EML6: variants seen among roughly 807,000 people sequenced by gnomAD.
EML6 encodes EMAP like 6.
EML6 carries 154 observed loss-of-function variants against 240.1 expected under a neutral mutation model. The ratio of observed to expected loss-of-function variants is 0.64; its 90% CI spans 0.56 to 0.73. The LOEUF is 0.73. EML6 is among the 30% of genes least tolerant of loss of function. The pLI is 0.00. For missense variants in EML6, 2,964 were observed against 2,474.6 expected, an observed-to-expected ratio of 1.20 and a Z score of -4.20; for synonymous variants, 1,148 against 899.0, an observed-to-expected ratio of 1.28 and a Z score of -4.95.
At chr2:54,862,528 A>G (rs1442732552) in intron 12 of EML6, among the ~76,000 whole-genome samples, 1 of 151,908 alleles carries the variant, frequency 6.6e-6, no homozygotes, top group African/African-American at 2.4e-5. Context: ...TAGCTTAGAG[A>G]CTTAGGGTGG....
chr2:54,829,546 T>A, intron 7 of EML6, 69 bp downstream of exon 7: 1 of 1,314,284 alleles, frequency 7.6e-7, no homozygotes, highest in East Asian at 2.6e-5. Flanking sequence ...GTATTCATAT[T>A]TGTTTCTCTG....
intron 39 of EML6, among the ~76,000 whole-genome samples, 176 bp from the exon 40 acceptor site, chr2:54,967,952 C>T (rs1438548452): frequency 9.2e-5 from 14 of 152,230 alleles, no homozygotes; most frequent in Admixed American, 9.2e-4. Flanking sequence ...TGCTCACCTC[C>T]TGCCCTGCGG....
chr2:54,948,803 C>A, intron 28 of EML6, 79 bp from the exon 29 acceptor site: 2 of 1,132,212 alleles, frequency 1.8e-6, no homozygotes, highest in South Asian at 2.7e-5. Context: ...CCGGCACTGG[C>A]CTAGACAGGC....
In EML6 at chr2:54,943,433, C is replaced by A. The variant is rs1281711603; in HGVS notation, c.4005-5449C>A. Among the ~76,000 whole-genome samples, 6 of 147,188 alleles carry A rather than the reference C, an allele frequency of 4.1e-5. No homozygotes were observed. The East Asian group carries it at 7.7e-4, about 19-fold the overall frequency. ...CAGTTTCCCACCTCCACCCAGCTCTCCTCAGGAAAAAAAACAGGTCCTTTG... is the reference window on the plus strand; with the variant it reads ...CAGTTTCCCACCTCCACCCAGCTCTACTCAGGAAAAAAAACAGGTCCTTTG... On this transcript the variant is annotated intron_variant, in intron 28 of 41. Transcript: ENST00000356458.
chr2:54,744,077 G>C (rs1015820732), intron 2 of EML6, among the ~76,000 whole-genome samples: 13 of 151,100 alleles, frequency 8.6e-5, no homozygotes, highest in Middle Eastern at 3.4e-3. Flanking sequence ...CAATGCATTG[G>C]ACAATTCTGG....
intron 26 of EML6, among the ~76,000 whole-genome samples, chr2:54,924,403 C>G (rs1249379501): frequency 6.6e-6 from 1 of 151,970 alleles, no homozygotes; most frequent in Non-Finnish European, 1.5e-5. Context: ...CTGTACAAAT[C>G]TTCTGTCCAT....
intron 2 of EML6, among the ~76,000 whole-genome samples, chr2:54,802,120 A>G (rs1022234752): frequency 6.6e-6 from 1 of 152,276 alleles, no homozygotes; most frequent in East Asian, 1.9e-4. Context: ...GGGGTCATCA[A>G]TGGAAAAAAC....
intron 2 of EML6, among the ~76,000 whole-genome samples, chr2:54,788,174 C>T (rs1488256058): frequency 1.3e-5 from 2 of 152,250 alleles, no homozygotes; most frequent in East Asian, 3.8e-4. Flanking sequence ...GGTTCTCGCT[C>T]ACTCGCTCGC....
chr2:54,836,854 C>G (rs1188232144), intron 7 of EML6, among the ~76,000 whole-genome samples: 1 of 152,130 alleles, frequency 6.6e-6, no homozygotes, highest in Non-Finnish European at 1.5e-5. Context: ...AGATGCATGT[C>G]TTTCCTCCTT....
At chr2:54,964,838 C>G (rs573485402) in intron 38 of EML6, 105 bp downstream of exon 38, 1 of 1,059,116 alleles carries the variant, frequency 9.4e-7, no homozygotes, top group African/African-American at 1.6e-5. Context: ...AATGTGCTAA[C>G]TCACTCTTCA....
At position 54,903,036 on chromosome 2, in the gene EML6, T is replaced by G. The variant is rs1323025104; in HGVS notation, c.3125-8T>G. On this transcript the variant is annotated splice_region_variant and splice_polypyrimidine_tract_variant and intron_variant, in intron 22 of 41. Coordinates refer to ENST00000356458, the MANE Select transcript of EML6 (RefSeq NM_001039753.4). The stretch of plus-strand genomic sequence containing the variant: ...GATAATAAGTGTTTTTTGTGGATTC[T>G]TCTGTAGGTGGAAGATGCTGTGCCT... 6.5e-7 allele frequency: 1 copy of G among 1,548,616 alleles called. No homozygotes were observed. The highest frequency in any genetic ancestry group is 1.4e-5 in the African/African-American group (1 of 72,846).
At chr2:54,894,793 C>G (rs998230) in intron 19 of EML6, 122 bp from the exon 20 acceptor site, 255,514 of 614,564 alleles carry the variant, frequency 0.42, 54,518 homozygotes, top group East Asian at 0.62. Context: ...AGTTTTCCAT[C>G]TCATATATTT....
chr2:54,833,643 T>C (rs897274376), intron 7 of EML6, among the ~76,000 whole-genome samples: 2 of 152,252 alleles, frequency 1.3e-5, no homozygotes, highest in East Asian at 3.9e-4. Context: ...TCAAAGAAAA[T>C]GTCACTCACA....
intron 18 of EML6, among the ~76,000 whole-genome samples, chr2:54,891,956 A>G (rs978914828): frequency 1.3e-5 from 2 of 152,202 alleles, no homozygotes; most frequent in African/African-American, 4.8e-5. Flanking sequence ...CTCACCCCAA[A>G]ATAGCTGTTA....
chr2:54,893,257 G>A (rs775759157), intron 19 of EML6, among the ~76,000 whole-genome samples: 1 of 152,126 alleles, frequency 6.6e-6, no homozygotes, highest in African/African-American at 2.4e-5. Context: ...TTTTGCTGCT[G>A]TAACAGAATT....
At chr2:54,764,225 T>C (rs1173432449) in intron 2 of EML6, among the ~76,000 whole-genome samples, 2 of 152,184 alleles carry the variant, frequency 1.3e-5, no homozygotes, top group East Asian at 3.8e-4. Flanking sequence ...AAAATAAGAT[T>C]AAGTCCATAT....
At chr2:54,927,594 A>AT in intron 26 of EML6, among the ~76,000 whole-genome samples, 1 of 152,152 alleles carries the variant, frequency 6.6e-6, no homozygotes, top group East Asian at 1.9e-4. Context: ...GCCAGCTTTG[A>AT]TTTTGCACCA....
intron 17 of EML6, among the ~76,000 whole-genome samples, chr2:54,884,700 A>C (rs534126206): frequency 1.2e-4 from 18 of 152,352 alleles, no homozygotes; most frequent in African/African-American, 4.3e-4. Context: ...TCAGATGTAA[A>C]CTAAAAAGTT....
intron 25 of EML6, among the ~76,000 whole-genome samples, chr2:54,911,389 A>G (rs780038436): frequency 2.6e-5 from 4 of 151,744 alleles, no homozygotes; most frequent in Non-Finnish European, 5.9e-5. Flanking sequence ...TGTTTTCTCA[A>G]TGGTTATTTG....
Sources: gnomAD v4.1 joint callset for allele counts (sites outside exome capture counted in the v4.1 genomes callset) on GRCh38, gnomAD v4.1.1 for gene constraint, MANE v1.5 for transcripts, NCBI Gene and HGNC (gene_info 2026-07-23, HGNC 2026-07-21) for gene names.